The following TMEM232 variants were observed in gnomAD, a reference collection of about 807,000 sequenced individuals.
TMEM232 encodes transmembrane protein 232.
In TMEM232, 80 loss-of-function variants were observed where a neutral mutation model predicts 78.8. The ratio of observed to expected loss-of-function variants is 1.01; its 90% CI spans 0.85 to 1.22. TMEM232 has a LOEUF of 1.22. TMEM232 is among the 50% of genes most tolerant of loss of function. The pLI, the probability that TMEM232 is intolerant of heterozygous loss-of-function variation, is 0.00. For missense variants in TMEM232, 881 were observed against 742.2 expected (o/e 1.19, Z -2.17); for synonymous variants, 297 against 254.3 (o/e 1.17, Z -1.60).
chr5:110,423,379 T>C (rs1047431684), intron 13 of TMEM232, among the ~76,000 whole-genome samples: 3 of 152,178 alleles, frequency 2.0e-5, no homozygotes, highest in African/African-American at 7.2e-5. Context: ...AAGAGCATTT[T>C]TGTAAAGCAT....
At chr5:110,434,123 C>T (rs1010411922) in intron 12 of TMEM232, among the ~76,000 whole-genome samples, 1 of 149,122 alleles carries the variant, frequency 6.7e-6, no homozygotes, top group East Asian at 2.0e-4. Flanking sequence ...CAGAGCAGAA[C>T]TAAATGAAAT....
rs11958436 is a variant in TMEM232 at position 110,668,068 on chromosome 5, T to G, written c.-12-704A>C. 4.2e-3 allele frequency among the ~76,000 whole-genome samples: 638 copies of G among 152,230 alleles called. 7 individuals carry two copies. Among genetic ancestry groups the G allele is most frequent in the African/African-American group, 0.015 (609 of 41,570 alleles). ...CTACACTGCATTATTTGTCTTTCAT[T>G]TTTTTAAATAGCTAAATTTAAAAAT... On this transcript the variant is annotated intron_variant, in intron 1 of 13. Transcript: ENST00000455884.
chr5:110,391,632 G>A (rs1755200690), intron 3 of TMEM232, among the ~76,000 whole-genome samples: 1 of 152,118 alleles, frequency 6.6e-6, no homozygotes, highest in Non-Finnish European at 1.5e-5. Context: ...GGGATGGAAA[G>A]TTGTAGTTAT....
intron 11 of TMEM232, among the ~76,000 whole-genome samples, chr5:110,538,545 T>C (rs1233498760): frequency 1.3e-5 from 2 of 152,156 alleles, no homozygotes; most frequent in Admixed American, 1.3e-4. Flanking sequence ...CAATGAGCAT[T>C]GGGCAAAGGA....
chr5:110,596,830 A>G (rs550835965), intron 10 of TMEM232, among the ~76,000 whole-genome samples: 1 of 152,208 alleles, frequency 6.6e-6, no homozygotes, highest in African/African-American at 2.4e-5. Context: ...TATGCTAAAA[A>G]CTCTCAATAA....
At chr5:110,392,027 C>T (rs1755215332) in intron 3 of TMEM232, among the ~76,000 whole-genome samples, 1 of 152,162 alleles carries the variant, frequency 6.6e-6, no homozygotes, top group Non-Finnish European at 1.5e-5. Context: ...AAATGGAGAG[C>T]TCATATTTCT....
rs567876049 is a variant in TMEM232 at position 110,653,034 on chromosome 5, GACAATTCATT to G, written c.126-10673_126-10664del. Among the ~76,000 whole-genome samples the G allele has an allele frequency of 2.1e-4, 32 of 152,212 alleles. 1 individual carries two copies. Among genetic ancestry groups the G allele is most frequent in the Admixed American group, 1.9e-3 (29 of 15,278 alleles). ...TGAATATCTGTGAACTTTTTAAGCT[GACAATTCATT>G]TGTTCAATAACTATTTAATGAAAGC... On this transcript the variant is annotated intron_variant, in intron 2 of 13. Coordinates refer to ENST00000455884, the MANE Select transcript of TMEM232 (RefSeq NM_001039763.4).
chr5:110,694,035 T>TTAATGTG (rs1264611639), intron 1 of TMEM232, among the ~76,000 whole-genome samples: 1 of 150,950 alleles, frequency 6.6e-6, no homozygotes, highest in African/African-American at 2.4e-5. Context: ...AAGGAAAAAA[T>TTAATGTG]GTTAAGCGCA....
At position 110,447,469 on chromosome 5, in the gene TMEM232, C is replaced by G. The variant is rs140413374; in HGVS notation, c.1704-22553G>C. Among the ~76,000 whole-genome samples the G allele has an allele frequency of 6.4e-3, 969 of 152,170 alleles. 17 individuals are homozygous for G. Among genetic ancestry groups the G allele is most frequent in the African/African-American group, 0.022 (897 of 41,524 alleles). On this transcript the variant is annotated intron_variant, in intron 12 of 13. Transcript: ENST00000455884. ...ACAATTTGTAAATCTTATCTGTTGACAAATGCCAGTCCTATATAGAGATCT... is the reference window on the plus strand; with the variant it reads ...ACAATTTGTAAATCTTATCTGTTGAGAAATGCCAGTCCTATATAGAGATCT...
chr5:110,552,653 A>G (rs1010670874), intron 11 of TMEM232, among the ~76,000 whole-genome samples: 1 of 152,176 alleles, frequency 6.6e-6, no homozygotes, highest in African/African-American at 2.4e-5. Context: ...AAATTTCATA[A>G]TAATAAGGAC....
At chr5:110,586,964 T>C (rs553917495) in intron 10 of TMEM232, among the ~76,000 whole-genome samples, 3 of 152,110 alleles carry the variant, frequency 2.0e-5, no homozygotes, top group African/African-American at 7.2e-5. Flanking sequence ...ACCAATAAAA[T>C]AAAAACTTGG....
chr5:110,605,244 C>T lies in TMEM232; in HGVS notation c.1141G>A (p.Ala381Thr), dbSNP rs1346560889. The change falls in exon 10 of 14, where the codon GCT (alanine) becomes ACT (threonine). Residue 381 changes from alanine to threonine, a missense_variant. Coordinates refer to ENST00000455884, the MANE Select transcript of TMEM232 (RefSeq NM_001039763.4). ...TTACAGTGACAGAAACCAATTAAAG[C>T]AGTTTTTCGCAAATCAGAAGTGGCT... ...YAATSDLRKT[A>T]LIGFCHCKSS... The T allele has an allele frequency of 1.3e-6, 2 of 1,551,048 alleles. No individual in the cohort carries two copies. Among genetic ancestry groups the T allele is most frequent in the East Asian group, 2.5e-5 (1 of 40,754 alleles).
At chr5:110,644,810 G>A (rs995151405) in intron 2 of TMEM232, among the ~76,000 whole-genome samples, 1 of 151,446 alleles carries the variant, frequency 6.6e-6, no homozygotes, top group Non-Finnish European at 1.5e-5. Context: ...AAAACTAAGA[G>A]CTGTTTTCTT....
intron 10 of TMEM232, among the ~76,000 whole-genome samples, chr5:110,594,915 A>G (rs1779969186): frequency 6.6e-6 from 1 of 152,212 alleles, no homozygotes; most frequent in Non-Finnish European, 1.5e-5. Flanking sequence ...ACAGTGCTTA[A>G]GCTCTGCTAA....
At chr5:110,648,833 G>A (rs1277700555) in intron 2 of TMEM232, among the ~76,000 whole-genome samples, 1 of 152,042 alleles carries the variant, frequency 6.6e-6, no homozygotes. Flanking sequence ...TGGGACACAG[G>A]ATTTTAAGGT....
At chr5:110,532,217 C>G (rs899477865) in intron 11 of TMEM232, among the ~76,000 whole-genome samples, 1 of 152,034 alleles carries the variant, frequency 6.6e-6, no homozygotes, top group Non-Finnish European at 1.5e-5. Flanking sequence ...TCGGACTGTT[C>G]AACTCACCTG....
At chr5:110,660,708 C>T (rs1789661058) in intron 2 of TMEM232, among the ~76,000 whole-genome samples, 1 of 151,970 alleles carries the variant, frequency 6.6e-6, no homozygotes, top group African/African-American at 2.4e-5. Context: ...ATTGTGGATA[C>T]ATAGATAGTT....
At position 110,696,297 on chromosome 5, in the gene TMEM232, G is replaced by A. The variant is rs556571849; in HGVS notation, c.-12-28933C>T. Among the ~76,000 whole-genome samples the A allele has an allele frequency of 1.9e-4, 29 of 152,184 alleles. 1 individual carries two copies. The South Asian group carries it at 4.4e-3, about 23-fold the overall frequency. On this transcript the variant is annotated intron_variant, in intron 1 of 13. Coordinates refer to ENST00000455884, the MANE Select transcript of TMEM232 (RefSeq NM_001039763.4). ...TCAATAAATTAGGTATTGATGGGAC[G>A]TATCTCAAAATAATAAGAGCTATCT... is the stretch of plus-strand genomic sequence containing the variant.
At chr5:110,405,731 T>TAAAAAAAAAAAAAAAA (rs36094551) in intron 2 of TMEM232, among the ~76,000 whole-genome samples, 1 of 135,702 alleles carries the variant, frequency 7.4e-6, no homozygotes, top group Admixed American at 7.5e-5. Flanking sequence ...GGACACAGTT[T>TAAAAAAAAAAAAAAAA]AAAAAAAAAA....
Sources: allele counts gnomAD v4.1 joint callset (sites outside exome capture counted in the v4.1 genomes callset), GRCh38; gene constraint gnomAD v4.1.1; transcripts MANE v1.5; gene names NCBI Gene and HGNC (gene_info 2026-07-23, HGNC 2026-07-21).